Variants in MB21D2 observed in about 807,000 individuals in gnomAD.
The protein encoded by MB21D2 is nucleotidyltransferase MB21D2.
A neutral mutation model predicts 33.3 loss-of-function variants in MB21D2; 9 were observed. The ratio of observed to expected loss-of-function variants is 0.27; its 90% CI spans 0.16 to 0.47. The LOEUF is 0.47. Among genes scored for constraint, MB21D2 ranks in the 20% least tolerant of loss-of-function variants. The pLI is 0.99. For missense variants in MB21D2, 540 were observed against 624.6 expected, an observed-to-expected ratio of 0.86 and a Z score of 1.44; for synonymous variants, 241 against 236.3, an observed-to-expected ratio of 1.02 and a Z score of -0.18.
At chr3:192,840,423 T>C (rs1033789988) in intron 1 of MB21D2, among the ~76,000 whole-genome samples, 10 of 138,606 alleles carry the variant, frequency 7.2e-5, no homozygotes, top group African/African-American at 1.1e-4. Flanking sequence ...TTCTTTTTTT[T>C]TTTTTTTTTT....
chr3:192,872,811 C>T (rs528077620), intron 1 of MB21D2, among the ~76,000 whole-genome samples: 1 of 152,156 alleles, frequency 6.6e-6, no homozygotes, highest in South Asian at 2.1e-4. Context: ...GGTCCCCACC[C>T]TATGTCTTTA....
At chr3:192,912,824 T>C (rs537130950) in intron 1 of MB21D2, among the ~76,000 whole-genome samples, 1 of 152,332 alleles carries the variant, frequency 6.6e-6, no homozygotes, top group Non-Finnish European at 1.5e-5. Flanking sequence ...AATAACTGGA[T>C]TCAGTCTCCA....
chr3:192,880,186 T>C (rs901518027), intron 1 of MB21D2, among the ~76,000 whole-genome samples: 2 of 150,918 alleles, frequency 1.3e-5, no homozygotes, highest in African/African-American at 4.9e-5. Context: ...CTACTAAAAA[T>C]ACAAAAAAAA....
chr3:192,879,728 C>G (rs1713519074), intron 1 of MB21D2, among the ~76,000 whole-genome samples: 1 of 152,184 alleles, frequency 6.6e-6, no homozygotes, highest in Admixed American at 6.5e-5. Flanking sequence ...AAATTTCTCC[C>G]AAAGCAGATA....
At chr3:192,892,584 G>T (rs1713873327) in intron 1 of MB21D2, among the ~76,000 whole-genome samples, 1 of 152,110 alleles carries the variant, frequency 6.6e-6, no homozygotes, top group Admixed American at 6.6e-5. Flanking sequence ...GGGATTACAG[G>T]CACCTGCCAC....
chr3:192,917,314 T>G (rs1198234244), intron 1 of MB21D2, among the ~76,000 whole-genome samples: 2 of 152,094 alleles, frequency 1.3e-5, no homozygotes, highest in Non-Finnish European at 2.9e-5. Context: ...TCCAGGGGCT[T>G]CCCCCAACAG....
intron 1 of MB21D2, among the ~76,000 whole-genome samples, chr3:192,841,239 T>C (rs930496097): frequency 3.3e-5 from 5 of 152,236 alleles, no homozygotes; most frequent in Non-Finnish European, 5.9e-5. Context: ...ACAGAACACA[T>C]GCATGCTAAA....
intron 1 of MB21D2, among the ~76,000 whole-genome samples, chr3:192,847,742 C>T (rs1051733711): frequency 1.3e-5 from 2 of 152,132 alleles, no homozygotes; most frequent in Non-Finnish European, 2.9e-5. Context: ...CTGGCTAAAA[C>T]ATCCTAAAAC....
intron 1 of MB21D2, among the ~76,000 whole-genome samples, chr3:192,869,277 G>A (rs1348624418): frequency 7.5e-6 from 1 of 132,794 alleles, no homozygotes; most frequent in Non-Finnish European, 1.6e-5. Flanking sequence ...AAGGAAGGAA[G>A]GAAGGAAGGA....
chr3:192,843,615 T>C (rs541892464), intron 1 of MB21D2, among the ~76,000 whole-genome samples: 1 of 152,252 alleles, frequency 6.6e-6, no homozygotes, highest in South Asian at 2.1e-4. Flanking sequence ...GTATACAGTA[T>C]GTACATATAA....
chr3:192,811,024 G>A (rs1456076344), intron 1 of MB21D2, among the ~76,000 whole-genome samples: 1 of 152,154 alleles, frequency 6.6e-6, no homozygotes, highest in East Asian at 1.9e-4. Flanking sequence ...TCAAGTGCCA[G>A]TGACTCTGCC....
chr3:192,864,112 G>C (rs376392993), intron 1 of MB21D2, among the ~76,000 whole-genome samples: 2 of 152,204 alleles, frequency 1.3e-5, no homozygotes, highest in Non-Finnish European at 1.5e-5. Flanking sequence ...GTGGCAGTGG[G>C]TATCAGGGAA....
chr3:192,855,072 C>G (rs897502899), intron 1 of MB21D2, among the ~76,000 whole-genome samples: 1 of 152,146 alleles, frequency 6.6e-6, no homozygotes, highest in Non-Finnish European at 1.5e-5. Flanking sequence ...ATTGAAGGCT[C>G]AGATGATTAT....
chr3:192,819,192 A>G (rs1315221453), intron 1 of MB21D2, among the ~76,000 whole-genome samples: 1 of 151,718 alleles, frequency 6.6e-6, no homozygotes, highest in Non-Finnish European at 1.5e-5. Flanking sequence ...ATAGGAATCA[A>G]TGTTTACAGA....
intron 1 of MB21D2, among the ~76,000 whole-genome samples, chr3:192,801,775 A>G (rs1051803704): frequency 6.6e-6 from 1 of 152,230 alleles, no homozygotes; most frequent in African/African-American, 2.4e-5. Context: ...GTACTTTGAC[A>G]TAACAGCCTG....
At chr3:192,904,197 T>C (rs1714159785) in intron 1 of MB21D2, among the ~76,000 whole-genome samples, 1 of 152,186 alleles carries the variant, frequency 6.6e-6, no homozygotes, top group African/African-American at 2.4e-5. Context: ...AGAAAATGTA[T>C]TCAGAAGACA....
At chr3:192,909,004 C>A (rs1355332516) in intron 1 of MB21D2, among the ~76,000 whole-genome samples, 1 of 151,730 alleles carries the variant, frequency 6.6e-6, no homozygotes, top group Non-Finnish European at 1.5e-5. Context: ...GCCTGTAATC[C>A]CAGCACTTTG....
chr3:192,826,990 C>T (rs1394534797), intron 1 of MB21D2, among the ~76,000 whole-genome samples: 4 of 151,778 alleles, frequency 2.6e-5, no homozygotes, highest in Non-Finnish European at 1.5e-5. Context: ...CTCCCAGGTT[C>T]ACACCATTCT....
At chr3:192,857,083 G>A (rs1279096454) in intron 1 of MB21D2, among the ~76,000 whole-genome samples, 2 of 152,036 alleles carry the variant, frequency 1.3e-5, no homozygotes, top group African/African-American at 4.8e-5. Context: ...CACAATAAAA[G>A]AGACTTAAAG....
Sources: allele counts gnomAD v4.1 joint callset (sites outside exome capture counted in the v4.1 genomes callset), GRCh38; gene constraint gnomAD v4.1.1; transcripts MANE v1.5; gene names NCBI Gene and HGNC (gene_info 2026-07-23, HGNC 2026-07-21).